Variants in GRIA4 observed in about 807,000 individuals in gnomAD.
The protein encoded by GRIA4 is glutamate receptor 4.
A neutral mutation model predicts 104.0 loss-of-function variants in GRIA4; 34 were observed. That is an observed-to-expected ratio of 0.33 (90% CI 0.25 to 0.44). The LOEUF is 0.44. GRIA4 is among the 20% of genes least tolerant of loss of function. The pLI is 1.00. For missense variants in GRIA4, 750 were observed against 1,096.5 expected (o/e 0.68, Z 4.46); for synonymous variants, 386 against 381.9 (o/e 1.01, Z -0.13).
chr11:105,914,885 A>C lies in GRIA4; in HGVS notation c.1270-3827A>C, dbSNP rs544628601. On this transcript the variant is annotated intron_variant, in intron 10 of 16. Transcript: ENST00000282499. ...CAAAGATACCCCACAAATCCTCCTT[A>C]ATGATTTTCTGGAATTTATTATATT... 4.6e-5 allele frequency among the ~76,000 whole-genome samples: 7 copies of C among 152,222 alleles called. No homozygotes were observed. In the South Asian group the frequency reaches 1.5e-3, roughly 32 times the overall value.
intron 3 of GRIA4, among the ~76,000 whole-genome samples, chr11:105,725,032 T>C (rs1037493513): frequency 1.3e-5 from 2 of 152,274 alleles, no homozygotes; most frequent in Middle Eastern, 6.8e-3. Context: ...CAAATCTTAA[T>C]CTCTCTGAGC....
intron 4 of GRIA4, among the ~76,000 whole-genome samples, chr11:105,809,409 A>T (rs1943082910): frequency 6.6e-6 from 1 of 152,122 alleles, no homozygotes; most frequent in African/African-American, 2.4e-5. Flanking sequence ...GTAATAAATT[A>T]CTGTTAACTA....
At position 105,796,691 on chromosome 11, in the gene GRIA4, G is replaced by T. The variant is rs7937963; in HGVS notation, c.487+43471G>T. 9.5e-3 allele frequency among the ~76,000 whole-genome samples: 1,446 copies of T among 152,126 alleles called. 31 individuals carry two copies. Among genetic ancestry groups the T allele is most frequent in the African/African-American group, 0.033 (1,378 of 41,522 alleles). On this transcript the variant is annotated intron_variant, in intron 4 of 16. Transcript: ENST00000282499. ...GTAACATTAAGAAAGAAAAGTTATCGTTTTGCTAGAAAATAAAGTGGCCCC... is the reference window on the plus strand; with the variant it reads ...GTAACATTAAGAAAGAAAAGTTATCTTTTTGCTAGAAAATAAAGTGGCCCC...
intron 3 of GRIA4, among the ~76,000 whole-genome samples, chr11:105,626,725 G>C (rs1565413036): frequency 6.6e-6 from 1 of 152,142 alleles, no homozygotes; most frequent in African/African-American, 2.4e-5. Context: ...CATCTGACTT[G>C]TGCCAACAGT....
chr11:105,683,770 A>G (rs1271115151), intron 3 of GRIA4, among the ~76,000 whole-genome samples: 1 of 152,236 alleles, frequency 6.6e-6, no homozygotes, highest in Non-Finnish European at 1.5e-5. Context: ...GTTGTTCACT[A>G]CAATACCCTT....
At chr11:105,928,268 T>C (rs1432717708) in intron 13 of GRIA4, among the ~76,000 whole-genome samples, 1 of 151,956 alleles carries the variant, frequency 6.6e-6, no homozygotes, top group Non-Finnish European at 1.5e-5. Flanking sequence ...AACCAGACAA[T>C]GAACAATGTA....
At chr11:105,798,759 C>T (rs1423427041) in intron 4 of GRIA4, among the ~76,000 whole-genome samples, 2 of 152,024 alleles carry the variant, frequency 1.3e-5, no homozygotes, top group African/African-American at 2.4e-5. Flanking sequence ...AGCCAAAAAC[C>T]GTGCTAAGCT....
intron 10 of GRIA4, among the ~76,000 whole-genome samples, chr11:105,914,280 T>A (rs989016268): frequency 3.9e-5 from 6 of 151,974 alleles, no homozygotes; most frequent in Non-Finnish European, 7.4e-5. Context: ...AAGAATTTTA[T>A]CCATGGGATA....
At chr11:105,971,550 C>A (rs909937932) in intron 14 of GRIA4, among the ~76,000 whole-genome samples, 4 of 152,168 alleles carry the variant, frequency 2.6e-5, no homozygotes, top group Non-Finnish European at 5.9e-5. Flanking sequence ...TGTCTGTCAA[C>A]CTGCAGCCAC....
intron 6 of GRIA4, among the ~76,000 whole-genome samples, chr11:105,893,135 G>T (rs1278093579): frequency 6.6e-6 from 1 of 152,076 alleles, no homozygotes; most frequent in Non-Finnish European, 1.5e-5. Flanking sequence ...TTCAAGCAAA[G>T]TAGTGGCCCA....
chr11:105,866,551 GTATATATATATA>G (rs71041633), intron 5 of GRIA4, among the ~76,000 whole-genome samples: 10 of 76,752 alleles, frequency 1.3e-4, no homozygotes, highest in African/African-American at 2.6e-4. Flanking sequence ...GTGTGTGTGT[GTATATATATATA>G]TATATATATA....
intron 14 of GRIA4, among the ~76,000 whole-genome samples, chr11:105,957,183 C>T (rs1282862543): frequency 1.3e-5 from 2 of 152,134 alleles, no homozygotes; most frequent in Non-Finnish European, 2.9e-5. Context: ...AAGTCCTTGC[C>T]CATGCCTATG....
At chr11:105,645,970 GGAA>G (rs746513612) in intron 3 of GRIA4, among the ~76,000 whole-genome samples, 1 of 152,232 alleles carries the variant, frequency 6.6e-6, no homozygotes, top group East Asian at 1.9e-4. Context: ...AAGCCATGAA[GGAA>G]GAAGAAGGAG....
chr11:105,953,765 C>CATGA (rs1948518187), intron 14 of GRIA4, among the ~76,000 whole-genome samples: 1 of 151,552 alleles, frequency 6.6e-6, no homozygotes, highest in Non-Finnish European at 1.5e-5. Context: ...AAATATGTAG[C>CATGA]ATGATAGAAT....
intron 4 of GRIA4, among the ~76,000 whole-genome samples, chr11:105,778,433 G>A (rs972083687): frequency 6.6e-6 from 1 of 152,234 alleles, no homozygotes; most frequent in Non-Finnish European, 1.5e-5. Flanking sequence ...GGGGCTGGGC[G>A]CGGTGGCTCA....
intron 3 of GRIA4, among the ~76,000 whole-genome samples, chr11:105,667,570 T>C (rs952681735): frequency 3.9e-5 from 6 of 152,054 alleles, no homozygotes; most frequent in African/African-American, 1.4e-4. Flanking sequence ...TGTTTTACTT[T>C]TCAAATACAA....
chr11:105,849,002 C>T (rs1944698310), intron 4 of GRIA4, among the ~76,000 whole-genome samples: 1 of 152,054 alleles, frequency 6.6e-6, no homozygotes, highest in South Asian at 2.1e-4. Flanking sequence ...AGACCACCCT[C>T]AACATGGCGA....
At chr11:105,812,856 C>T (rs1453484139) in intron 4 of GRIA4, among the ~76,000 whole-genome samples, 2 of 152,218 alleles carry the variant, frequency 1.3e-5, no homozygotes, top group East Asian at 3.9e-4. Flanking sequence ...AATCCCAGCA[C>T]TTTGGCAGGC....
At chr11:105,707,661 T>C (rs1953754844) in intron 3 of GRIA4, 1 of 152,218 alleles carries the variant, frequency 6.6e-6, no homozygotes, top group Non-Finnish European at 1.5e-5. Context: ...CAATGATAAA[T>C]TTTAAGAATG....
Sources: allele counts gnomAD v4.1 joint callset (sites outside exome capture counted in the v4.1 genomes callset), GRCh38; gene constraint gnomAD v4.1.1; transcripts MANE v1.5; gene names NCBI Gene and HGNC (gene_info 2026-07-23, HGNC 2026-07-21).